Variants in NEB observed in about 807,000 individuals in gnomAD.
NEB encodes nebulin.
NEB carries 512 observed loss-of-function variants against 952.2 expected under a neutral mutation model. The observed-to-expected ratio is 0.54, with a 90% CI of 0.50 to 0.58. The LOEUF (loss-of-function observed/expected upper bound fraction) is 0.58, where lower values mean the gene tolerates loss of function less well. NEB is among the 20% of genes least tolerant of loss of function. NEB has a pLI of 0.00. For synonymous variants in NEB, 2,900 were observed against 3,149.8 expected, an observed-to-expected ratio of 0.92 and a Z score of 2.66; for missense variants, 8,428 against 9,231.1, an observed-to-expected ratio of 0.91 and a Z score of 3.56.
At chr2:151,723,748 TTG>T (rs67476200) in intron 8 of NEB, among the ~76,000 whole-genome samples, 1,563 of 126,554 alleles carry the variant, frequency 0.012, 47 homozygotes, top group African/African-American at 0.034. Flanking sequence ...CCTGCCTTCT[TTG>T]TTTTTTTTTT....
At chr2:151,668,644 T>C (rs1442091552) in intron 39 of NEB, among the ~76,000 whole-genome samples, 1 of 152,166 alleles carries the variant, frequency 6.6e-6, no homozygotes, top group African/African-American at 2.4e-5. Flanking sequence ...AAAAAAGATT[T>C]TGTGAAGAAA....
intron 32 of NEB, among the ~76,000 whole-genome samples, chr2:151,678,942 A>G (rs1006751626): frequency 6.6e-6 from 1 of 152,206 alleles, no homozygotes; most frequent in Non-Finnish European, 1.5e-5. Context: ...ACCTAATTTC[A>G]AACAATCAGT....
chr2:151,665,261 G>T, intron 42 of NEB, 72 bp downstream of exon 42: 1 of 1,393,230 alleles, frequency 7.2e-7, no homozygotes, highest in South Asian at 1.2e-5. Flanking sequence ...GGAGACGATT[G>T]GGGCACTGCC....
chr2:151,730,124 T>C (rs1447789406), intron 3 of NEB, among the ~76,000 whole-genome samples: 2 of 152,140 alleles, frequency 1.3e-5, no homozygotes, highest in East Asian at 1.9e-4. Flanking sequence ...GATTGCATCA[T>C]GGAAATAATA....
intron 135 of NEB, among the ~76,000 whole-genome samples, chr2:151,543,114 A>T (rs1346128237): frequency 6.6e-6 from 1 of 152,184 alleles, no homozygotes; most frequent in Non-Finnish European, 1.5e-5. Context: ...CTTCTCCGAG[A>T]CTAGGGCACA....
chr2:151,543,909 T>G (rs888246224), intron 135 of NEB, among the ~76,000 whole-genome samples: 2 of 152,254 alleles, frequency 1.3e-5, no homozygotes, highest in African/African-American at 4.8e-5. Context: ...TGTGTATATG[T>G]CAAGAATCTA....
chr2:151,678,791 G>A (rs756224064), intron 32 of NEB, among the ~76,000 whole-genome samples: 7 of 152,110 alleles, frequency 4.6e-5, no homozygotes, highest in Non-Finnish European at 8.8e-5. Context: ...GGGAAGGTTC[G>A]TGGAAAGTTG....
Position 151,643,915 on chromosome 2 carries a change from C to T in NEB, c.7859G>A (p.Ser2620Asn). 6.2e-7 allele frequency: 1 copy of T among 1,613,960 alleles called. No homozygotes were observed. The highest frequency in any genetic ancestry group is 8.5e-7 in the Non-Finnish European group (1 of 1,179,826). Residue 2620 changes from serine (S) to asparagine (N), a missense_variant, in exon 57 of 182, where the codon AGC becomes AAC. Physicochemically the swap from Ser to Asn is conservative, Grantham distance 46. This residue lies in a region of NEB where 1,772 missense variants were observed against 1,960.3 expected (regional missense o/e 0.90). Coordinates refer to ENST00000397345, the MANE Select transcript of NEB (RefSeq NM_001164508.2). ...VLAKKCQTLV[S>N]DVDYKNYLHQ... ...CAGGTAGTTCTTGTAGTCCACGTCG[C>T]TGACTAAGGTCTGGCACTTCTTGGC...
chr2:151,697,011 T>C (rs777867505), intron 16 of NEB, 137 bp downstream of exon 16: 12 of 670,952 alleles, frequency 1.8e-5, no homozygotes, highest in Non-Finnish European at 2.5e-5. Flanking sequence ...AAATAGGATG[T>C]TTACTACAAA....
rs1248576910 is a variant in NEB, at chr2:151,717,357, G to T, written c.822+59C>A. ...CTCACCTTTAGTAACCCTCTCTGAT[G>T]GTTGAAATTATTAAGCAGAGTCTTC... On this transcript the variant is annotated intron_variant, in intron 10 of 181. Transcript: ENST00000397345. The T allele has an allele frequency of 6.8e-6, 8 of 1,182,872 alleles. No individual in the cohort carries two copies. The African/African-American group carries it at 7.4e-5, about 11-fold the overall frequency. The allele number at this position is 1,182,872 out of a possible 1,614,324, so 73.3% of individuals were successfully genotyped here. A position where few individuals can be genotyped will look rare whatever the true frequency, so the allele number is the denominator to read the frequency against.
rs2098944448 is a variant in NEB at position 151,645,465 on chromosome 2, ATTTGT to A, written c.7536+660_7536+664del. On this transcript the variant is annotated intron_variant, in intron 55 of 181. Transcript: ENST00000397345. The stretch of plus-strand genomic sequence containing the variant: ...GAATTTTAAAAGCTTAAGTGAAAGA[ATTTGT>A]TTTTTCAGATCTGTAACATAATTTA... Among the ~76,000 whole-genome samples the A allele has an allele frequency of 1.2e-4, 19 of 152,314 alleles. 2 individuals are homozygous for A. The South Asian group carries it at 3.9e-3, about 32-fold the overall frequency.
At position 151,639,402 on chromosome 2, in the gene NEB, C is replaced by T. The variant is rs1028340048; in HGVS notation, c.8890-18G>A. 3.1e-5 allele frequency: 47 copies of T among 1,495,156 alleles called. No individual in the cohort carries two copies. The highest frequency in any genetic ancestry group is 3.8e-5 in the Non-Finnish European group (43 of 1,118,694). The allele number at this position is 1,495,156 out of a possible 1,614,324, so 92.6% of individuals were successfully genotyped here. On this transcript the variant is annotated intron_variant, in intron 62 of 181. Coordinates refer to ENST00000397345, the MANE Select transcript of NEB (RefSeq NM_001164508.2). The stretch of plus-strand genomic sequence containing the variant: ...TATAAACGCTATCAAAAAAAATACA[C>T]AAATTCATCAGGAAAAAAGTTCTGT...
At chr2:151,696,328 G>C (rs1039774688) in intron 17 of NEB, among the ~76,000 whole-genome samples, 1 of 152,114 alleles carries the variant, frequency 6.6e-6, no homozygotes, top group Non-Finnish European at 1.5e-5. Context: ...GCAGAGGGGG[G>C]TTAAATCTTT....
At chr2:151,577,782 T>C (rs569670606) in intron 105 of NEB, among the ~76,000 whole-genome samples, 6 of 152,310 alleles carry the variant, frequency 3.9e-5, no homozygotes, top group South Asian at 2.1e-4. Context: ...TTTCACCATG[T>C]TGGTCAGGCT....
At chr2:151,546,510 A>T in intron 133 of NEB, 67 bp from the exon 134 acceptor site, 1 of 943,290 alleles carries the variant, frequency 1.1e-6, no homozygotes, top group Non-Finnish European at 1.7e-6. Flanking sequence ...CAAAAGATGG[A>T]GTAGCAACAC....
intron 145 of NEB, among the ~76,000 whole-genome samples, chr2:151,530,020 G>A (rs575357270): frequency 6.6e-6 from 1 of 152,148 alleles, no homozygotes; most frequent in Admixed American, 6.6e-5. Flanking sequence ...TGCTCCGGCA[G>A]TTATAGCTAT....
intron 142 of NEB, chr2:151,534,371 C>T: frequency 6.6e-7 from 1 of 1,504,888 alleles, no homozygotes; most frequent in Non-Finnish European, 9.2e-7. Flanking sequence ...CAAGGCTACA[C>T]AAAAATGTCT....
At chr2:151,674,367 A>T in intron 36 of NEB, 110 bp downstream of exon 36, 1 of 897,622 alleles carries the variant, frequency 1.1e-6, no homozygotes, top group Non-Finnish European at 1.8e-6. Flanking sequence ...TTGAGAATTT[A>T]AATGCCATTA....
chr2:151,639,231 T>C (rs1307636269), intron 63 of NEB, 49 bp downstream of exon 63: 1 of 1,371,234 alleles, frequency 7.3e-7, no homozygotes. Flanking sequence ...ATAGAGTAGA[T>C]CAACTGAAAT....
Sources: gnomAD v4.1 joint callset for allele counts (sites outside exome capture counted in the v4.1 genomes callset) on GRCh38, gnomAD v4.1.1 for gene constraint, gnomAD v4.1.1 regional missense constraint, MANE v1.5 for transcripts, NCBI Gene and HGNC (gene_info 2026-07-23, HGNC 2026-07-21) for gene names.